EIF2AK4: variants seen among roughly 807,000 people sequenced by gnomAD.
EIF2AK4 encodes eukaryotic translation initiation factor 2 alpha kinase 4, also known as eIF-2-alpha kinase GCN2.
A neutral mutation model predicts 211.1 loss-of-function variants in EIF2AK4; 139 were observed. The ratio of observed to expected loss-of-function variants is 0.66; its 90% CI spans 0.57 to 0.76. The LOEUF (loss-of-function observed/expected upper bound fraction) is 0.76, where lower values mean the gene tolerates loss of function less well. Ranked by LOEUF, EIF2AK4 falls within the 30% of genes least tolerant of loss-of-function variation. EIF2AK4 has a pLI of 0.00. For synonymous variants in EIF2AK4, 710 were observed against 751.3 expected, an observed-to-expected ratio of 0.94 and a Z score of 0.90; for missense variants, 1,664 against 2,043.8, an observed-to-expected ratio of 0.81 and a Z score of 3.58.
intron 9 of EIF2AK4, among the ~76,000 whole-genome samples, chr15:39,971,746 G>T (rs1335986781): frequency 6.6e-6 from 1 of 151,706 alleles, no homozygotes; most frequent in Admixed American, 6.6e-5. Flanking sequence ...AAAAAAAAAG[G>T]CCAGCTTAAA....
chr15:40,034,836 C>T (rs986877663), intron 38 of EIF2AK4, among the ~76,000 whole-genome samples, 191 bp from the exon 39 acceptor site: 5 of 152,166 alleles, frequency 3.3e-5, no homozygotes, highest in African/African-American at 1.2e-4. Flanking sequence ...TGGTTATCTC[C>T]TTACTAGGAC....
At position 39,992,885 on chromosome 15, in the gene EIF2AK4, A is replaced by C; in HGVS notation, c.2766+37A>C. 1.9e-6 allele frequency: 3 copies of C among 1,591,450 alleles called. No homozygotes were observed. In the East Asian group the frequency reaches 6.7e-5, roughly 36 times the overall value. On this transcript the variant is annotated intron_variant, in intron 18 of 38. Transcript: ENST00000263791. ...TGTGGGGAAAAGGAATCTCAAAATT[A>C]AGGTAATAGGACATCTAGATCACAG...
chr15:39,960,709 T>C (rs1371085257), intron 6 of EIF2AK4, among the ~76,000 whole-genome samples: 2 of 152,088 alleles, frequency 1.3e-5, no homozygotes, highest in African/African-American at 4.8e-5. Flanking sequence ...AGGGGCTGAC[T>C]GAACATCTGG....
At chr15:39,937,004 TA>T in intron 1 of EIF2AK4, among the ~76,000 whole-genome samples, 1 of 152,344 alleles carries the variant, frequency 6.6e-6, no homozygotes, top group East Asian at 1.9e-4. Context: ...TTTAGTAGCA[TA>T]TGTATATCAT....
intron 27 of EIF2AK4, among the ~76,000 whole-genome samples, chr15:40,015,647 A>G (rs1449710713): frequency 6.6e-6 from 1 of 152,162 alleles, no homozygotes; most frequent in Non-Finnish European, 1.5e-5. Flanking sequence ...AGGTTTTAAC[A>G]TTTTTTGGGT....
At chr15:40,008,224 A>G (rs1440925387) in intron 25 of EIF2AK4, 29 bp downstream of exon 25, 1 of 1,560,592 alleles carries the variant, frequency 6.4e-7, no homozygotes. Flanking sequence ...ACATTCCAAG[A>G]TTCCCCACTA....
At chr15:39,946,658 G>C (rs756427086) in intron 3 of EIF2AK4, 15 of 700,428 alleles carry the variant, frequency 2.1e-5, no homozygotes, top group Non-Finnish European at 7.8e-6. Flanking sequence ...CTATCAAACA[G>C]CATTGAATGC....
intron 29 of EIF2AK4, among the ~76,000 whole-genome samples, chr15:40,018,569 G>C (rs1024099735): frequency 6.6e-6 from 1 of 151,920 alleles, no homozygotes; most frequent in African/African-American, 2.4e-5. Flanking sequence ...CAATCCTCCT[G>C]CCTTGGCCTT....
rs117622740 is a variant in EIF2AK4 at position 39,975,736 on chromosome 15, A to C, written c.1819-678A>C. Among the ~76,000 whole-genome samples, 110 of 152,350 alleles carry C rather than the reference A, an allele frequency of 7.2e-4. 1 individual carries two copies. The East Asian group carries it at 0.02, about 27-fold the overall frequency. On this transcript the variant is annotated intron_variant, in intron 11 of 38. Transcript: ENST00000263791. ...TTTCAGTATACATCATCTTAGGTAT[A>C]TAACAAAATCAATGGGCAGTGATTG...
intron 2 of EIF2AK4, among the ~76,000 whole-genome samples, chr15:39,940,582 T>C (rs2034131044): frequency 1.3e-5 from 2 of 152,116 alleles, no homozygotes; most frequent in South Asian, 4.1e-4. Context: ...AGGTATACTA[T>C]ACATACTATA....
At chr15:39,979,708 T>C (rs747479483) in intron 13 of EIF2AK4, among the ~76,000 whole-genome samples, 3 of 152,204 alleles carry the variant, frequency 2.0e-5, no homozygotes, top group African/African-American at 4.8e-5. Context: ...AGGAGTTCTG[T>C]GGAGTATACA....
At chr15:40,028,968 T>C (rs1412119926) in intron 33 of EIF2AK4, among the ~76,000 whole-genome samples, 1 of 152,262 alleles carries the variant, frequency 6.6e-6, no homozygotes, top group Non-Finnish European at 1.5e-5. Context: ...AGAACATCCA[T>C]TCACGGCTTT....
At chr15:39,962,736 T>C (rs1053535051) in intron 7 of EIF2AK4, among the ~76,000 whole-genome samples, 14 of 152,246 alleles carry the variant, frequency 9.2e-5, no homozygotes, top group Non-Finnish European at 4.4e-5. Flanking sequence ...TTAGAAGTTT[T>C]GTCTACTCGT....
At chr15:39,946,940 G>A in intron 3 of EIF2AK4, 1 of 397,020 alleles carries the variant, frequency 2.5e-6, no homozygotes, top group Non-Finnish European at 4.6e-6. Flanking sequence ...ACACTTAATA[G>A]ACTACCATAT....
intron 26 of EIF2AK4, 70 bp from the exon 27 acceptor site, chr15:40,011,211 G>A (rs547814117): frequency 5.2e-5 from 66 of 1,265,760 alleles, no homozygotes; most frequent in Non-Finnish European, 7.1e-5. Context: ...GTTAGAATTC[G>A]CCTGGAAATT....
At position 39,997,093 on chromosome 15, in the gene EIF2AK4, A is replaced by G. The variant is rs763964436; in HGVS notation, c.2868+28A>G. 2.1e-6 allele frequency: 3 copies of G among 1,456,250 alleles called. No homozygotes were observed. The South Asian group carries it at 3.4e-5, about 17-fold the overall frequency. The allele number at this position is 1,456,250 out of a possible 1,614,324, so 90.2% of individuals were successfully genotyped here. ...ATGTATCAGGTGTTTTAGTGCCTAC[A>G]TTTTCAGTAACCGGAATCTTAGCAC... On this transcript the variant is annotated intron_variant, in intron 19 of 38. Transcript: ENST00000263791.
In EIF2AK4 at chr15:39,945,707, T is replaced by C. The variant is rs188965968; in HGVS notation, c.360+2222T>C. 2.6e-5 allele frequency among the ~76,000 whole-genome samples: 4 copies of C among 152,348 alleles called. No homozygotes were observed. In the East Asian group the frequency reaches 5.8e-4, roughly 22 times the overall value. On this transcript the variant is annotated intron_variant, in intron 3 of 38. Transcript: ENST00000263791. ...TTCACAGCTAGAGAGGAGAAGTCAG[T>C]GTGTGGCTTCAAAGCCTTATGAAAG...
chr15:40,000,465 G>T (rs558067800), intron 20 of EIF2AK4, among the ~76,000 whole-genome samples: 1 of 152,288 alleles, frequency 6.6e-6, no homozygotes, highest in East Asian at 1.9e-4. Context: ...CTGCTTTAAT[G>T]AGGTGGCTGT....
intron 29 of EIF2AK4, among the ~76,000 whole-genome samples, chr15:40,018,477 C>A (rs1039683578): frequency 2.0e-5 from 3 of 151,410 alleles, no homozygotes; most frequent in Admixed American, 1.3e-4. Context: ...TTTTTCTCTC[C>A]TTCTATGACC....
Sources: allele counts gnomAD v4.1 joint callset (sites outside exome capture counted in the v4.1 genomes callset), GRCh38; gene constraint gnomAD v4.1.1; transcripts MANE v1.5; gene names NCBI Gene and HGNC (gene_info 2026-07-23, HGNC 2026-07-21).